NOS1AP: variants seen among roughly 807,000 people sequenced by gnomAD.
NOS1AP encodes carboxyl-terminal PDZ ligand of neuronal nitric oxide synthase protein.
Under a neutral mutation model 56.2 loss-of-function variants are expected in NOS1AP, and 21 were observed. The observed-to-expected ratio is 0.37, with a 90% confidence interval of 0.26 to 0.54. NOS1AP has a LOEUF of 0.54. NOS1AP is among the 20% of genes least tolerant of loss of function. NOS1AP has a pLI of 0.84. For synonymous variants in NOS1AP, 270 were observed against 274.6 expected (o/e 0.98, Z 0.17); for missense variants, 522 against 657.8 (o/e 0.79, Z 2.26).
rs576212026 is a variant in NOS1AP at position 162,212,340 on chromosome 1, A to ATTAC, written c.177+57864_177+57865insTTAC. On this transcript the variant is annotated intron_variant, in intron 2 of 9. Coordinates refer to ENST00000361897, the MANE Select transcript of NOS1AP (RefSeq NM_014697.3). ...TTAACTCTTAATTCAGGTGACAGTA[A>ATTAC]ACATTTAGCACCTGTGCTGGGTGCT... Among the ~76,000 whole-genome samples, 3 of 152,270 alleles carry ATTAC rather than the reference A, an allele frequency of 2.0e-5. No individual in the cohort carries two copies. In the East Asian group the frequency reaches 5.8e-4, roughly 29 times the overall value.
intron 2 of NOS1AP, among the ~76,000 whole-genome samples, chr1:162,202,956 T>C (rs1341184766): frequency 6.6e-6 from 1 of 152,120 alleles, no homozygotes; most frequent in Admixed American, 6.5e-5. Context: ...TCAGTAAGAG[T>C]GTTGGCTACT....
intron 1 of NOS1AP, among the ~76,000 whole-genome samples, chr1:162,119,372 A>G (rs939494627): frequency 2.6e-5 from 4 of 152,314 alleles, no homozygotes; most frequent in Non-Finnish European, 5.9e-5. Context: ...CTACACAGAC[A>G]TATTCTGCAA....
intron 4 of NOS1AP, among the ~76,000 whole-genome samples, chr1:162,327,886 T>G (rs912331930): frequency 1.3e-5 from 2 of 152,364 alleles, no homozygotes; most frequent in Admixed American, 6.5e-5. Context: ...GGAACTCATA[T>G]TTATTGAGCA....
chr1:162,081,317 C>G (rs1453243423), intron 1 of NOS1AP, among the ~76,000 whole-genome samples: 2 of 152,064 alleles, frequency 1.3e-5, no homozygotes, highest in African/African-American at 2.4e-5. Flanking sequence ...TGCCATTGGG[C>G]AACGGGTCAC....
intron 2 of NOS1AP, among the ~76,000 whole-genome samples, chr1:162,281,632 G>A (rs1475548314): frequency 1.3e-5 from 2 of 152,184 alleles, no homozygotes; most frequent in Admixed American, 6.5e-5. Flanking sequence ...GGCATTTTAG[G>A]CATAGGGAAT....
intron 2 of NOS1AP, among the ~76,000 whole-genome samples, chr1:162,159,023 G>T (rs527806525): frequency 6.6e-6 from 1 of 152,188 alleles, no homozygotes; most frequent in Non-Finnish European, 1.5e-5. Context: ...CACTGGCGCC[G>T]CTTGCTTGGA....
chr1:162,076,317 C>T (rs929231539), intron 1 of NOS1AP, among the ~76,000 whole-genome samples: 15 of 152,224 alleles, frequency 9.9e-5, no homozygotes, highest in African/African-American at 3.6e-4. Context: ...TGCTACTTTT[C>T]TTCTTCCTTT....
intron 1 of NOS1AP, among the ~76,000 whole-genome samples, chr1:162,124,355 G>C (rs899652115): frequency 1.3e-5 from 2 of 152,056 alleles, no homozygotes; most frequent in African/African-American, 2.4e-5. Context: ...GCTTAGCTCT[G>C]ACTTGTAATG....
intron 2 of NOS1AP, among the ~76,000 whole-genome samples, chr1:162,236,098 C>G: frequency 6.6e-6 from 1 of 152,168 alleles, no homozygotes; most frequent in East Asian, 1.9e-4. Context: ...CTCATTCATT[C>G]GTTCCACAGA....
chr1:162,321,932 G>T (rs1656436352), intron 4 of NOS1AP, among the ~76,000 whole-genome samples: 1 of 151,948 alleles, frequency 6.6e-6, no homozygotes, highest in African/African-American at 2.4e-5. Flanking sequence ...GGGGGGACAA[G>T]GACTGAAAAA....
chr1:162,145,866 C>G (rs1047955051), intron 1 of NOS1AP, among the ~76,000 whole-genome samples: 1 of 152,136 alleles, frequency 6.6e-6, no homozygotes, highest in Non-Finnish European at 1.5e-5. Flanking sequence ...ACAGGGAGAC[C>G]AGACTGCATT....
chr1:162,305,590 T>G (rs1245446176), intron 4 of NOS1AP, among the ~76,000 whole-genome samples: 1 of 152,226 alleles, frequency 6.6e-6, no homozygotes, highest in Non-Finnish European at 1.5e-5. Context: ...GAAGCCATTC[T>G]TATGGTATTT....
intron 2 of NOS1AP, among the ~76,000 whole-genome samples, chr1:162,177,852 CA>C (rs1176024113): frequency 6.6e-6 from 1 of 152,168 alleles, no homozygotes; most frequent in African/African-American, 2.4e-5. Flanking sequence ...ACATCATTAT[CA>C]CTCAGAGTTC....
chr1:162,165,047 TGTG>T (rs1363342410), intron 2 of NOS1AP, among the ~76,000 whole-genome samples: 1 of 152,156 alleles, frequency 6.6e-6, no homozygotes, highest in Non-Finnish European at 1.5e-5. Context: ...CCTTGCCTGG[TGTG>T]GTGGCTCACA....
At chr1:162,310,254 T>G (rs1302502987) in intron 4 of NOS1AP, among the ~76,000 whole-genome samples, 1 of 152,238 alleles carries the variant, frequency 6.6e-6, no homozygotes, top group African/African-American at 2.4e-5. Context: ...GCTTATGATA[T>G]ATACATGTCT....
chr1:162,227,809 A>G (rs1224214936), intron 2 of NOS1AP, among the ~76,000 whole-genome samples: 1 of 152,176 alleles, frequency 6.6e-6, no homozygotes, highest in African/African-American at 2.4e-5. Context: ...GAGTTTGCAA[A>G]CAAATTTCTG....
intron 2 of NOS1AP, among the ~76,000 whole-genome samples, chr1:162,165,924 G>T (rs1299719765): frequency 6.6e-6 from 1 of 152,106 alleles, no homozygotes; most frequent in Non-Finnish European, 1.5e-5. Flanking sequence ...TATCATTTCT[G>T]CAGTCTCTCC....
rs1297484195 is a variant in NOS1AP at position 162,083,138 on chromosome 1, C to T, written c.105+12856C>T. On this transcript the variant is annotated intron_variant, in intron 1 of 9. Coordinates refer to ENST00000361897, the MANE Select transcript of NOS1AP (RefSeq NM_014697.3). Reference sequence around the variant, plus strand: ...GTCTCGATCTCCTGACCTCGTGATCCGCCCGCCTCGGCCTCCCAAAGTGCT... The same window carrying T: ...GTCTCGATCTCCTGACCTCGTGATCTGCCCGCCTCGGCCTCCCAAAGTGCT... 6.0e-3 allele frequency among the ~76,000 whole-genome samples: 4 copies of T among 672 alleles called. 2 individuals are homozygous for T. The highest frequency in any genetic ancestry group is 6.1e-3 in the African/African-American group (4 of 658). The allele number at this position is 672 out of a possible 152,430, so 0.4% of individuals were successfully genotyped here.
At chr1:162,172,511 CTG>C (rs1650842172) in intron 2 of NOS1AP, among the ~76,000 whole-genome samples, 2 of 152,226 alleles carry the variant, frequency 1.3e-5, no homozygotes, top group South Asian at 4.1e-4. Context: ...GGCCATGACT[CTG>C]TGTTGCCAAA....
Sources: gnomAD v4.1 joint callset for allele counts (sites outside exome capture counted in the v4.1 genomes callset) on GRCh38, gnomAD v4.1.1 for gene constraint, MANE v1.5 for transcripts, NCBI Gene and HGNC (gene_info 2026-07-23, HGNC 2026-07-21) for gene names.